SIPA1L2: variants seen among roughly 807,000 people sequenced by gnomAD.
SIPA1L2 encodes the protein signal-induced proliferation-associated 1-like protein 2.
In SIPA1L2, 56 loss-of-function variants were observed where a neutral mutation model predicts 163.9. That is an observed-to-expected ratio of 0.34 (90% CI 0.28 to 0.43). The LOEUF is 0.43. Among genes scored for constraint, SIPA1L2 ranks in the 20% least tolerant of loss-of-function variants. The pLI is 1.00. For synonymous variants in SIPA1L2, 877 were observed against 865.7 expected (o/e 1.01, Z -0.23); for missense variants, 1,974 against 2,193.5 (o/e 0.90, Z 2.00).
At chr1:232,562,522 A>G (rs1450569373) in intron 2 of SIPA1L2, among the ~76,000 whole-genome samples, 1 of 152,230 alleles carries the variant, frequency 6.6e-6, no homozygotes, top group African/African-American at 2.4e-5. Context: ...TACCCAATCT[A>G]TTATGTGGAC....
intron 1 of SIPA1L2, among the ~76,000 whole-genome samples, chr1:232,575,632 AAC>A (rs1457887265): frequency 6.6e-6 from 1 of 152,200 alleles, no homozygotes; most frequent in African/African-American, 2.4e-5. Context: ...AAAAAAATTA[AAC>A]ACAGCATTAC....
chr1:232,482,380 C>T (rs866616519), intron 6 of SIPA1L2, among the ~76,000 whole-genome samples: 11 of 151,916 alleles, frequency 7.2e-5, no homozygotes, highest in African/African-American at 2.2e-4. Context: ...GGAGGGACAT[C>T]CTTAAGGACA....
chr1:232,591,532 T>TTTA (rs1660959439), intron 1 of SIPA1L2, among the ~76,000 whole-genome samples: 2 of 152,190 alleles, frequency 1.3e-5, no homozygotes, highest in Admixed American at 6.5e-5. Context: ...GAGGATGAGG[T>TTTA]TTAACCTTTA....
chr1:232,618,299 G>A (rs1289137458), intron 1 of SIPA1L2, among the ~76,000 whole-genome samples: 4 of 152,196 alleles, frequency 2.6e-5, no homozygotes, highest in South Asian at 2.1e-4. Context: ...GGGGGCGGAA[G>A]GGATGCTCAG....
intron 10 of SIPA1L2, among the ~76,000 whole-genome samples, chr1:232,447,612 C>G (rs796489731): frequency 4.2e-4 from 64 of 152,284 alleles, no homozygotes; most frequent in African/African-American, 1.5e-3. Flanking sequence ...ATGCAGTAGC[C>G]CCATTCTTGG....
chr1:232,618,526 C>A (rs192245822), intron 1 of SIPA1L2, among the ~76,000 whole-genome samples: 1 of 152,028 alleles, frequency 6.6e-6, no homozygotes, highest in Non-Finnish European at 1.5e-5. Flanking sequence ...TGGTGGCGTG[C>A]GCCTATAATC....
chr1:232,410,545 AATAT>A (rs35712001), intron 19 of SIPA1L2, among the ~76,000 whole-genome samples: 1 of 148,870 alleles, frequency 6.7e-6, no homozygotes, highest in Non-Finnish European at 1.5e-5. Context: ...TGAATTTCAA[AATAT>A]ATATATATAT....
intron 14 of SIPA1L2, among the ~76,000 whole-genome samples, chr1:232,440,492 G>C (rs1662824851): frequency 6.6e-6 from 1 of 152,174 alleles, no homozygotes; most frequent in African/African-American, 2.4e-5. Context: ...TTGTAAAGGT[G>C]GATTTAAATA....
At chr1:232,555,735 T>C in intron 2 of SIPA1L2, among the ~76,000 whole-genome samples, 1 of 152,068 alleles carries the variant, frequency 6.6e-6, no homozygotes, top group Non-Finnish European at 1.5e-5. Context: ...TCTAAATAAA[T>C]GAAAGGATGA....
intron 18 of SIPA1L2, among the ~76,000 whole-genome samples, chr1:232,420,880 T>A (rs1475823211): frequency 6.6e-6 from 1 of 152,024 alleles, no homozygotes; most frequent in African/African-American, 2.4e-5. Flanking sequence ...GGCACAAGTG[T>A]GGGGCACATT....
intron 5 of SIPA1L2, among the ~76,000 whole-genome samples, chr1:232,488,046 C>T (rs776040959): frequency 6.6e-6 from 1 of 151,920 alleles, no homozygotes; most frequent in African/African-American, 2.4e-5. Flanking sequence ...CTCTGCCTCC[C>T]GGTTCAAGTG....
intron 1 of SIPA1L2, among the ~76,000 whole-genome samples, chr1:232,624,324 G>T (rs1338424816): frequency 6.6e-6 from 1 of 152,202 alleles, no homozygotes; most frequent in Non-Finnish European, 1.5e-5. Flanking sequence ...TTACTTATTA[G>T]AAACTTCAAT....
intron 3 of SIPA1L2, among the ~76,000 whole-genome samples, chr1:232,504,626 A>G (rs1666639251): frequency 6.6e-6 from 1 of 152,160 alleles, no homozygotes; most frequent in South Asian, 2.1e-4. Flanking sequence ...TACCGAATTT[A>G]CCAGGAAGTT....
At chr1:232,441,090 C>A (rs887565825) in intron 14 of SIPA1L2, among the ~76,000 whole-genome samples, 2 of 152,220 alleles carry the variant, frequency 1.3e-5, no homozygotes, top group African/African-American at 4.8e-5. Context: ...ATAATTTTGG[C>A]TTTGCCACTA....
In SIPA1L2 at chr1:232,398,442, G is replaced by A. The variant is rs1433185876; in HGVS notation, c.*685C>T. ...TCGGTGAGCCATTTACAAGGCATAT[G>A]TATCTTTTTTTTGTTTTTAATCAGA... On this transcript the variant is annotated 3_prime_UTR_variant, in exon 23 of 23. Coordinates refer to ENST00000674635, the MANE Select transcript of SIPA1L2 (RefSeq NM_020808.5). 1 of 152,476 alleles carries A rather than the reference G, an allele frequency of 6.6e-6. No homozygotes were observed. The highest frequency in any genetic ancestry group is 1.5e-5 in the Non-Finnish European group (1 of 68,006). 9.4% of individuals were successfully genotyped at this position (152,476 alleles called of 1,614,324 possible).
Position 232,465,035 on chromosome 1 carries a change from C to A in SIPA1L2, c.2625G>T (p.Gly875=). 6.2e-7 allele frequency: 1 copy of A among 1,614,160 alleles called. No individual in the cohort carries two copies. ...TCAACATGATGAACTCATTGGAGATCCCGAGAAGACATTCAATGTCAGCAG... is the reference window on the plus strand; with the variant it reads ...TCAACATGATGAACTCATTGGAGATACCGAGAAGACATTCAATGTCAGCAG... ...GQSADIECLL[G]ISNEFIMLIE... Residue 875 remains glycine (G), a synonymous_variant, in exon 9 of 23, where the codon GGG becomes GGT. Coordinates refer to ENST00000674635, the MANE Select transcript of SIPA1L2 (RefSeq NM_020808.5). The surrounding 1 kb of genome is among the most constrained non-coding windows in gnomAD (Gnocchi z 4.1).
intron 2 of SIPA1L2, among the ~76,000 whole-genome samples, chr1:232,541,298 T>TAA (rs1553309829): frequency 4.0e-4 from 59 of 146,996 alleles, no homozygotes; most frequent in Non-Finnish European, 6.4e-4. Flanking sequence ...TAACATAACA[T>TAA]AACAGAATAT....
At chr1:232,501,339 G>A (rs1572992260) in intron 3 of SIPA1L2, among the ~76,000 whole-genome samples, 1 of 152,040 alleles carries the variant, frequency 6.6e-6, no homozygotes, top group East Asian at 1.9e-4. Flanking sequence ...CAAAAACATT[G>A]TGCGACTCAC....
intron 7 of SIPA1L2, among the ~76,000 whole-genome samples, chr1:232,478,712 T>C (rs1665167939): frequency 1.3e-5 from 2 of 152,210 alleles, no homozygotes. Context: ...CTAAATACAA[T>C]CAAATCCCTA....
Sources: gnomAD v4.1 joint callset for allele counts (sites outside exome capture counted in the v4.1 genomes callset) on GRCh38, gnomAD v4.1.1 for gene constraint, Gnocchi (gnomAD v3.1) non-coding constraint, MANE v1.5 for transcripts, NCBI Gene and HGNC (gene_info 2026-07-23, HGNC 2026-07-21) for gene names.